Variants in PPFIBP2 observed in about 807,000 individuals in gnomAD.
The protein encoded by PPFIBP2 is PPFIB scaffold protein 2.
PPFIBP2 carries 118 observed loss-of-function variants against 118.3 expected under a neutral mutation model. That is an observed-to-expected ratio of 1.00 (90% confidence interval 0.86 to 1.16). The LOEUF (loss-of-function observed/expected upper bound fraction) is 1.16. Among genes scored for constraint, PPFIBP2 ranks in the 50% most tolerant of loss-of-function variants. The probability of loss-of-function intolerance (pLI) is 0.00; values close to 1 mark genes in which losing one functional copy is unlikely to be tolerated. For missense variants in PPFIBP2, 1,195 were observed against 1,073.1 expected (o/e 1.11, Z -1.59); for synonymous variants, 414 against 397.4 (o/e 1.04, Z -0.50).
At chr11:7,534,834 C>T (rs1851058187) in intron 1 of PPFIBP2, among the ~76,000 whole-genome samples, 1 of 152,210 alleles carries the variant, frequency 6.6e-6, no homozygotes, top group African/African-American at 2.4e-5. Context: ...AACGCAAATG[C>T]CTGCTTTCCC....
downstream of PPFIBP2, among the ~76,000 whole-genome samples, chr11:7,654,657 G>A (rs1411834772): frequency 6.6e-6 from 1 of 152,252 alleles, no homozygotes; most frequent in Non-Finnish European, 1.5e-5. Flanking sequence ...TGGATGACAA[G>A]TGCTCATTCA....
At chr11:7,646,696 G>A (rs890103859) in intron 17 of PPFIBP2, among the ~76,000 whole-genome samples, 3 of 152,156 alleles carry the variant, frequency 2.0e-5, no homozygotes, top group Non-Finnish European at 4.4e-5. Flanking sequence ...CTACACTCCA[G>A]CCTGGGCAGC....
chr11:7,610,781 G>A (rs1847971805), intron 6 of PPFIBP2, among the ~76,000 whole-genome samples: 1 of 152,146 alleles, frequency 6.6e-6, no homozygotes, highest in Non-Finnish European at 1.5e-5. Flanking sequence ...CCTCCCAATA[G>A]GCCATTGACA....
At chr11:7,610,546 G>A in intron 6 of PPFIBP2, 124 bp downstream of exon 6, 1 of 1,324,596 alleles carries the variant, frequency 7.5e-7, no homozygotes, top group South Asian at 1.4e-5. Flanking sequence ...ATACACTAGA[G>A]ATGCAGTGAT....
At chr11:7,663,733 G>A in the PPFIBP2 span, among the ~76,000 whole-genome samples, 32 of 152,310 alleles carry the variant, frequency 2.1e-4, no homozygotes, top group African/African-American at 6.5e-4. Context: ...AATGGCGGGC[G>A]CCCCTCCCCC....
At chr11:7,622,052 A>C (rs750692861) in intron 7 of PPFIBP2, among the ~76,000 whole-genome samples, 24 of 152,218 alleles carry the variant, frequency 1.6e-4, no homozygotes, top group Non-Finnish European at 2.8e-4. Context: ...GCATTGCTAC[A>C]GGTAAATAGC....
At chr11:7,540,618 C>T (rs1851677195) in intron 1 of PPFIBP2, among the ~76,000 whole-genome samples, 1 of 152,140 alleles carries the variant, frequency 6.6e-6, no homozygotes, top group Admixed American at 6.5e-5. Context: ...TTTAGCTTCC[C>T]ATGGACAATG....
At chr11:7,597,467 T>C (rs1860556807) in intron 4 of PPFIBP2, 93 bp from the exon 5 acceptor site, 1 of 1,531,260 alleles carries the variant, frequency 6.5e-7, no homozygotes, top group Non-Finnish European at 8.9e-7. Flanking sequence ...TAAGAGTCAG[T>C]GGTGAGATTT....
intron 5 of PPFIBP2, among the ~76,000 whole-genome samples, chr11:7,599,496 C>T (rs1038049253): frequency 2.6e-5 from 4 of 152,214 alleles, no homozygotes; most frequent in African/African-American, 7.2e-5. Flanking sequence ...TGTTTCTGCT[C>T]CATTGTCAAA....
Position 7,610,316 on chromosome 11 carries a change from A to C in PPFIBP2, c.512A>C (p.Glu171Ala). 6.2e-7 allele frequency: 1 copy of C among 1,614,134 alleles called. No homozygotes were observed. Among genetic ancestry groups the C allele is most frequent in the Non-Finnish European group, 8.5e-7 (1 of 1,179,952 alleles). Residue 171 changes from glutamate to alanine, a missense_variant, in exon 6 of 24, where the codon GAG (glutamate) becomes GCG (alanine). Coordinates refer to ENST00000299492, the MANE Select transcript of PPFIBP2 (RefSeq NM_003621.5). ...QQELLSRTSL[E>A]TQKLDLMTEV... ...GAGCTGCTAAGCCGCACATCTCTTG[A>C]GACCCAGAAGCTCGATCTGATGACT...
chr11:7,628,383 C>T, intron 9 of PPFIBP2, 37 bp downstream of exon 9: 1 of 1,585,948 alleles, frequency 6.3e-7, no homozygotes. Context: ...CTTTTCCATG[C>T]TTACATCCCT....
intron 17 of PPFIBP2, among the ~76,000 whole-genome samples, chr11:7,642,958 C>T (rs992014599): frequency 1.3e-5 from 2 of 152,144 alleles, no homozygotes; most frequent in Non-Finnish European, 2.9e-5. Flanking sequence ...CTAGTCTTAC[C>T]AGGTCCTCCT....
At chr11:7,642,465 GA>G (rs1298128946) in intron 17 of PPFIBP2, 39 bp downstream of exon 17, 1 of 1,577,224 alleles carries the variant, frequency 6.3e-7, no homozygotes, top group Non-Finnish European at 8.6e-7. Flanking sequence ...TCCCTGCTCT[GA>G]AAAAGAAGTA....
In PPFIBP2 at chr11:7,632,880, G is replaced by A. The variant is rs1850959294; in HGVS notation, c.1082G>A (p.Cys361Tyr). ...ELFKQEMPPR[C>Y]SSPTVGPPPL... ...TCTCTGGTGCAGATGCCTCCAAGATGTAGCTCTCCTACAGTGGGGCCACCT... is the reference window on the plus strand; with the variant it reads ...TCTCTGGTGCAGATGCCTCCAAGATATAGCTCTCCTACAGTGGGGCCACCT... Residue 361 changes from cysteine (C) to tyrosine (Y), a missense_variant, in exon 12 of 24, where the codon TGT becomes TAT. By Grantham distance (194) the Cys-to-Tyr change is radical. Transcript: ENST00000299492. The A allele has an allele frequency of 6.2e-7, 1 of 1,613,690 alleles. No homozygotes were observed. The highest frequency in any genetic ancestry group is 8.5e-7 in the Non-Finnish European group (1 of 1,179,722).
Position 7,525,909 on chromosome 11 carries a change from G to C in PPFIBP2, c.-37+11788G>C, listed in dbSNP as rs560659001. Among the ~76,000 whole-genome samples, 5 of 152,298 alleles carry C rather than the reference G, an allele frequency of 3.3e-5. No individual in the cohort carries two copies. In the South Asian group the frequency reaches 8.3e-4, roughly 25 times the overall value. On this transcript the variant is annotated intron_variant, in intron 1 of 23. Coordinates refer to ENST00000299492, the MANE Select transcript of PPFIBP2 (RefSeq NM_003621.5). ...GCCCAAGGACAGTCAGGAAGATATA[G>C]GGGAATGACTGCTATTTTCAGGTGG...
intron 3 of PPFIBP2, among the ~76,000 whole-genome samples, chr11:7,584,332 T>A (rs1264335048): frequency 6.6e-6 from 1 of 152,232 alleles, no homozygotes; most frequent in Non-Finnish European, 1.5e-5. Flanking sequence ...GATCATTGGA[T>A]GATAGCCTCA....
intron 1 of PPFIBP2, among the ~76,000 whole-genome samples, chr11:7,514,561 G>A (rs930411832): frequency 4.6e-5 from 7 of 152,222 alleles, no homozygotes; most frequent in African/African-American, 1.7e-4. Context: ...ATTCTCTGGT[G>A]GACACAGCGT....
At chr11:7,656,006 T>C (rs1206142435), downstream of PPFIBP2, among the ~76,000 whole-genome samples, 11 of 152,170 alleles carry the variant, frequency 7.2e-5, no homozygotes, top group Non-Finnish European at 1.5e-4. Context: ...GGGAAGCAGT[T>C]TGGCCTCGAA....
downstream of PPFIBP2, among the ~76,000 whole-genome samples, chr11:7,658,031 G>T (rs553021037): frequency 1.3e-5 from 2 of 152,324 alleles, no homozygotes; most frequent in East Asian, 1.9e-4. Flanking sequence ...GAATGCCAAG[G>T]TCCCTGCCTA....
Sources: allele counts gnomAD v4.1 joint callset (sites outside exome capture counted in the v4.1 genomes callset), GRCh38; gene constraint gnomAD v4.1.1; transcripts MANE v1.5; gene names NCBI Gene and HGNC (gene_info 2026-07-23, HGNC 2026-07-21).